Variants in RBM17 observed in about 807,000 individuals in gnomAD.
RBM17 encodes the protein RNA binding motif protein 17.
RBM17 carries 7 observed loss-of-function variants against 53.2 expected under a neutral mutation model. The observed-to-expected ratio is 0.13, with a 90% CI of 0.07 to 0.25. The LOEUF is 0.25. Ranked by LOEUF, RBM17 falls within the 10% of genes least tolerant of loss-of-function variation. The pLI, the probability that RBM17 is intolerant of heterozygous loss-of-function variation, is 1.00. For synonymous variants in RBM17, 167 were observed against 178.1 expected (o/e 0.94, Z 0.50); for missense variants, 257 against 496.7 (o/e 0.52, Z 4.59).
At chr10:6,104,813 A>T in intron 3 of RBM17, 118 bp from the exon 4 acceptor site, 3 of 795,222 alleles carry the variant, frequency 3.8e-6, no homozygotes, top group Non-Finnish European at 4.0e-6. Flanking sequence ...TTTAAAACAG[A>T]GGAAGGGGCT....
At position 6,102,329 on chromosome 10, in the gene RBM17, G is replaced by A. The variant is rs1026787237; in HGVS notation, c.240+942G>A. 7.9e-5 allele frequency among the ~76,000 whole-genome samples: 12 copies of A among 152,270 alleles called. No individual in the cohort carries two copies. The East Asian group carries it at 9.6e-4, about 12-fold the overall frequency. ...GCACACTCCTGCCCATCTGTTTCAC[G>A]TCACTGTTCTGGGTTGGGCTCCGTC... On this transcript the variant is annotated intron_variant, in intron 3 of 11. Coordinates refer to ENST00000379888, the MANE Select transcript of RBM17 (RefSeq NM_032905.5).
chr10:6,094,244 C>T (rs1057036658), intron 1 of RBM17, among the ~76,000 whole-genome samples: 1 of 152,154 alleles, frequency 6.6e-6, no homozygotes, highest in Non-Finnish European at 1.5e-5. Flanking sequence ...TCCCAAAGTG[C>T]TGGTATTAGA....
intron 4 of RBM17, among the ~76,000 whole-genome samples, chr10:6,105,930 G>T (rs1163706610): frequency 6.6e-6 from 1 of 151,998 alleles, no homozygotes; most frequent in Non-Finnish European, 1.5e-5. Context: ...ATACTTATTG[G>T]TTCAATTTAT....
chr10:6,101,184 A>G, intron 2 of RBM17, 87 bp from the exon 3 acceptor site: 2 of 703,842 alleles, frequency 2.8e-6, no homozygotes, highest in Non-Finnish European at 4.6e-6. Flanking sequence ...GGTTTGTTGC[A>G]GGGACCAGAA....
chr10:6,092,059 T>A (rs930189491), intron 1 of RBM17, among the ~76,000 whole-genome samples: 1 of 152,194 alleles, frequency 6.6e-6, no homozygotes, highest in African/African-American at 2.4e-5. Context: ...TTGTTATGTT[T>A]CCTAAGAAAA....
At chr10:6,100,988 C>G (rs117511769) in intron 2 of RBM17, among the ~76,000 whole-genome samples, 9 of 152,120 alleles carry the variant, frequency 5.9e-5, no homozygotes, top group Non-Finnish European at 5.9e-5. Context: ...GATTCTATAT[C>G]CTAGTAGGAG....
rs1390036876 is a variant in RBM17, at chr10:6,116,655, C to T, written c.*1099C>T. The stretch of plus-strand genomic sequence containing the variant: ...TGCATGTGACTTTCCTAAGCGGCAG[C>T]TGAAAGACTCGAGCCCGTGCTGTCT... On this transcript the variant is annotated 3_prime_UTR_variant, in exon 12 of 12. Transcript: ENST00000379888. The T allele has an allele frequency of 6.6e-6, 1 of 152,346 alleles. No homozygotes were observed. The highest frequency in any genetic ancestry group is 1.5e-5 in the Non-Finnish European group (1 of 68,040). 9.4% of individuals were successfully genotyped at this position (152,346 alleles called of 1,614,324 possible).
At chr10:6,111,641 G>A (rs955759011) in intron 7 of RBM17, among the ~76,000 whole-genome samples, 4 of 152,202 alleles carry the variant, frequency 2.6e-5, no homozygotes, top group Admixed American at 2.6e-4. Context: ...CACCCAGCCT[G>A]TACAAATAAT....
At position 6,114,156 on chromosome 10, in the gene RBM17, GT is replaced by G; in HGVS notation, c.1029+13del. 5.4e-6 allele frequency: 8 copies of G among 1,488,456 alleles called. No individual in the cohort carries two copies. The highest frequency in any genetic ancestry group is 7.5e-6 in the Non-Finnish European group (8 of 1,068,376). 92.2% of individuals were successfully genotyped at this position (1,488,456 alleles called of 1,614,324 possible). Reference sequence around the variant, plus strand: ...AATGTGTGATATTTGAAGTAAGAGTGTTTTCTTTTGATGTTTATAACACAAG... The same window carrying G: ...AATGTGTGATATTTGAAGTAAGAGTGTTTCTTTTGATGTTTATAACACAAG... On this transcript the variant is annotated intron_variant, in intron 10 of 11. Transcript: ENST00000379888.
At chr10:6,115,425 T>A (rs770789422) in intron 11 of RBM17, 28 bp from the exon 12 acceptor site, 13 of 1,551,906 alleles carry the variant, frequency 8.4e-6, no homozygotes, top group Non-Finnish European at 1.2e-5. Flanking sequence ...AGGATACCTG[T>A]ATTAACTGTC....
Position 6,112,426 on chromosome 10 carries a change from C to T in RBM17, c.856+65C>T, listed in dbSNP as rs1210699572. The T allele has an allele frequency of 1.9e-6, 3 of 1,576,592 alleles. No homozygotes were observed. The highest frequency in any genetic ancestry group is 4.5e-5 in the East Asian group (2 of 44,154). ...TGGCCCCATCCATATCAGACATGGC[C>T]AGTCTTGATCCTCATGTGTCAGCAG... On this transcript the variant is annotated intron_variant, in intron 8 of 11. Transcript: ENST00000379888. This position sits in a 1 kb window ranked among gnomAD's most constrained non-coding sequence, Gnocchi z 4.4.
At chr10:6,103,857 G>A (rs988079166) in intron 3 of RBM17, among the ~76,000 whole-genome samples, 1 of 152,180 alleles carries the variant, frequency 6.6e-6, no homozygotes, top group South Asian at 2.1e-4. Flanking sequence ...CAGGAAACAC[G>A]TTTACAAACG....
chr10:6,115,726 T>C lies in RBM17; in HGVS notation c.*170T>C, dbSNP rs1189461022. 2 of 485,106 alleles carry C rather than the reference T, an allele frequency of 4.1e-6. No homozygotes were observed. The highest frequency in any genetic ancestry group is 3.9e-5 in the African/African-American group (2 of 51,238). 30.1% of individuals were successfully genotyped at this position (485,106 alleles called of 1,614,324 possible). A position where few individuals can be genotyped will look rare whatever the true frequency, so the allele number is the denominator to read the frequency against. On this transcript the variant is annotated 3_prime_UTR_variant, in exon 12 of 12. Coordinates refer to ENST00000379888, the MANE Select transcript of RBM17 (RefSeq NM_032905.5). ...TTTTTTATTTTGTGGTTTTTTAATA[T>C]AGTATAAAAATCCTTTTAAAAAAAC...
chr10:6,114,268 G>A lies in RBM17; in HGVS notation c.1029+121G>A, dbSNP rs11256829. 2.5e-5 allele frequency: 15 copies of A among 593,610 alleles called. No individual in the cohort carries two copies. In the East Asian group the frequency reaches 3.0e-4, roughly 12 times the overall value. 36.8% of individuals were successfully genotyped at this position (593,610 alleles called of 1,614,324 possible). On this transcript the variant is annotated intron_variant, in intron 10 of 11. Coordinates refer to ENST00000379888, the MANE Select transcript of RBM17 (RefSeq NM_032905.5). ...ATTCTTACTGCAGAAGGTGACAGGC[G>A]TTGGTTATTTGTACTTCTCTTGCTC...
chr10:6,096,254 G>C (rs1245686106), intron 1 of RBM17, among the ~76,000 whole-genome samples: 1 of 152,164 alleles, frequency 6.6e-6, no homozygotes, highest in Non-Finnish European at 1.5e-5. Flanking sequence ...GTTGGAAGGG[G>C]CTTCCGCTGT....
rs1840936446 is a variant in RBM17 at position 6,117,340 on chromosome 10, C to G, written c.*1784C>G. Reference sequence around the variant, plus strand: ...TGATAGTCGAATAATTTCTAAATCTCCTGCAAGTTAGTACTTGAGAAATTT... The same window carrying G: ...TGATAGTCGAATAATTTCTAAATCTGCTGCAAGTTAGTACTTGAGAAATTT... On this transcript the variant is annotated 3_prime_UTR_variant, in exon 12 of 12. Transcript: ENST00000379888. The G allele has an allele frequency of 6.6e-6, 1 of 151,946 alleles. No individual in the cohort carries two copies. Among genetic ancestry groups the G allele is most frequent in the Non-Finnish European group, 1.5e-5 (1 of 68,004 alleles). 9.4% of individuals were successfully genotyped at this position (151,946 alleles called of 1,614,324 possible).
chr10:6,108,303 C>G (rs964933824), intron 5 of RBM17, among the ~76,000 whole-genome samples: 6 of 152,034 alleles, frequency 3.9e-5, no homozygotes, highest in Admixed American at 3.9e-4. Flanking sequence ...GTCTGTGAAG[C>G]CTGAACGAGG....
chr10:6,105,600 A>G (rs2132948177), intron 4 of RBM17, among the ~76,000 whole-genome samples: 1 of 152,332 alleles, frequency 6.6e-6, no homozygotes, highest in East Asian at 1.9e-4. Flanking sequence ...ACAGCTATTT[A>G]AAGTACTTGA....
chr10:6,092,990 A>C (rs904804438), intron 1 of RBM17, among the ~76,000 whole-genome samples: 1 of 152,234 alleles, frequency 6.6e-6, no homozygotes, highest in African/African-American at 2.4e-5. Flanking sequence ...GTGTGGTCTC[A>C]TAAAATCTCA....
Sources: allele counts gnomAD v4.1 joint callset (sites outside exome capture counted in the v4.1 genomes callset), GRCh38; gene constraint gnomAD v4.1.1; non-coding constraint Gnocchi (gnomAD v3.1); transcripts MANE v1.5; gene names NCBI Gene and HGNC (gene_info 2026-07-23, HGNC 2026-07-21).